The following STRN3 variants were observed in gnomAD, a reference collection of about 807,000 sequenced individuals.
STRN3 encodes striatin-3.
In STRN3, 29 loss-of-function variants were observed where a neutral mutation model predicts 95.6. That is an observed-to-expected ratio of 0.30 (90% confidence interval 0.23 to 0.41). The LOEUF (loss-of-function observed/expected upper bound fraction) is 0.41. STRN3 is among the 10% of genes least tolerant of loss of function. The pLI is 1.00. For missense variants in STRN3, 890 were observed against 972.1 expected, an observed-to-expected ratio of 0.92 and a Z score of 1.12; for synonymous variants, 331 against 357.6, an observed-to-expected ratio of 0.93 and a Z score of 0.84.
chr14:31,000,799 T>C (rs993987319), intron 1 of STRN3, among the ~76,000 whole-genome samples: 1 of 151,640 alleles, frequency 6.6e-6, no homozygotes, highest in African/African-American at 2.4e-5. Flanking sequence ...ATTTTATTTA[T>C]AGTGGCTGGC....
At chr14:30,935,449 C>T (rs764413175) in intron 6 of STRN3, 145 bp from the exon 7 acceptor site, 302 of 823,980 alleles carry the variant, frequency 3.7e-4, no homozygotes, top group Non-Finnish European at 5.1e-4. Context: ...TCACAAATCC[C>T]AAATTATACT....
chr14:30,991,374 C>A (rs1274554664), intron 1 of STRN3, among the ~76,000 whole-genome samples: 1 of 152,008 alleles, frequency 6.6e-6, no homozygotes, highest in Non-Finnish European at 1.5e-5. Context: ...ATACATAGGG[C>A]AATACAATCC....
intron 3 of STRN3, among the ~76,000 whole-genome samples, chr14:30,952,300 C>T (rs1439553322): frequency 1.3e-5 from 2 of 152,134 alleles, no homozygotes; most frequent in Admixed American, 1.3e-4. Context: ...AACCCTCATA[C>T]TGAATGTTGA....
chr14:30,942,667 T>C (rs1879150120), intron 5 of STRN3, among the ~76,000 whole-genome samples: 1 of 152,142 alleles, frequency 6.6e-6, no homozygotes, highest in African/African-American at 2.4e-5. Flanking sequence ...AATGAGTCCT[T>C]ATAAAGTAGA....
At chr14:30,972,938 C>T (rs759237037) in intron 1 of STRN3, among the ~76,000 whole-genome samples, 2 of 152,196 alleles carry the variant, frequency 1.3e-5, no homozygotes, top group Admixed American at 6.5e-5. Context: ...AGGCCGGGTG[C>T]GGGCTCACGC....
At chr14:30,981,526 AAG>A (rs750433847) in intron 1 of STRN3, among the ~76,000 whole-genome samples, 4 of 151,928 alleles carry the variant, frequency 2.6e-5, no homozygotes, top group Non-Finnish European at 5.9e-5. Flanking sequence ...CATATCACAC[AAG>A]AGTTTCAAAA....
At chr14:30,911,733 C>A (rs772641473) in intron 12 of STRN3, 44 bp downstream of exon 12, 2 of 1,523,718 alleles carry the variant, frequency 1.3e-6, no homozygotes, top group Non-Finnish European at 1.8e-6. Flanking sequence ...TAATATTTAA[C>A]AATAATGATG....
At chr14:30,911,216 C>CA (rs1896599158) in intron 12 of STRN3, 54 bp from the exon 13 acceptor site, 2 of 1,540,096 alleles carry the variant, frequency 1.3e-6, no homozygotes, top group Non-Finnish European at 1.8e-6. Context: ...AGAAGAAACT[C>CA]AAATCTCCAT....
chr14:30,971,737 CA>C (rs1210818726), intron 1 of STRN3, among the ~76,000 whole-genome samples: 2 of 152,122 alleles, frequency 1.3e-5, no homozygotes, highest in African/African-American at 4.8e-5. Flanking sequence ...GACAGCAACT[CA>C]GGGGTAAATG....
At chr14:31,002,719 G>A (rs1266444136) in intron 1 of STRN3, among the ~76,000 whole-genome samples, 1 of 151,998 alleles carries the variant, frequency 6.6e-6, no homozygotes, top group Non-Finnish European at 1.5e-5. Context: ...AATGCTAAGG[G>A]AAATAAGGCA....
intron 5 of STRN3, among the ~76,000 whole-genome samples, chr14:30,945,192 G>A (rs1297720105): frequency 1.3e-5 from 2 of 152,170 alleles, no homozygotes; most frequent in Non-Finnish European, 2.9e-5. Context: ...GGAGAAATCA[G>A]AATCCTTTTA....
At chr14:30,945,301 C>T (rs1202293152) in intron 5 of STRN3, among the ~76,000 whole-genome samples, 2 of 152,156 alleles carry the variant, frequency 1.3e-5, no homozygotes, top group Non-Finnish European at 2.9e-5. Flanking sequence ...AACCAACCCA[C>T]ATACCCATCA....
At chr14:30,946,822 A>G (rs1385675218) in intron 5 of STRN3, among the ~76,000 whole-genome samples, 1 of 152,034 alleles carries the variant, frequency 6.6e-6, no homozygotes, top group Non-Finnish European at 1.5e-5. Flanking sequence ...TACTAAAAAT[A>G]CAAAAAATTA....
chr14:31,007,481 G>A (rs1882771442), intron 1 of STRN3, among the ~76,000 whole-genome samples: 1 of 152,094 alleles, frequency 6.6e-6, no homozygotes, highest in Non-Finnish European at 1.5e-5. Flanking sequence ...ATGCAGAAAA[G>A]TAACCACAAT....
At chr14:30,929,542 T>C (rs974620295) in intron 7 of STRN3, among the ~76,000 whole-genome samples, 2 of 152,116 alleles carry the variant, frequency 1.3e-5, no homozygotes, top group Non-Finnish European at 2.9e-5. Flanking sequence ...TTCATTTTCA[T>C]GAACCACAAA....
At chr14:30,968,164 A>G (rs1273234049) in intron 1 of STRN3, among the ~76,000 whole-genome samples, 3 of 152,174 alleles carry the variant, frequency 2.0e-5, no homozygotes, top group African/African-American at 7.2e-5. Context: ...GTTTTCAACA[A>G]AAGCAAAGTT....
At chr14:30,935,099 T>A in intron 7 of STRN3, 64 bp downstream of exon 7, 1 of 1,574,972 alleles carries the variant, frequency 6.3e-7, no homozygotes, top group Non-Finnish European at 8.6e-7. Flanking sequence ...ACATATAATA[T>A]TTAATAATAA....
intron 1 of STRN3, among the ~76,000 whole-genome samples, chr14:30,990,473 G>C (rs1055327332): frequency 2.6e-5 from 4 of 152,030 alleles, no homozygotes; most frequent in African/African-American, 4.8e-5. Flanking sequence ...CGGCCAAAGG[G>C]CACTATGACT....
At position 30,913,386 on chromosome 14, in the gene STRN3, T is replaced by G. The variant is rs1285501229; in HGVS notation, c.1374+138A>C. 3.0e-6 allele frequency: 3 copies of G among 989,230 alleles called. No homozygotes were observed. The East Asian group carries it at 8.1e-5, about 27-fold the overall frequency. The allele number at this position is 989,230 out of a possible 1,614,324, so 61.3% of individuals were successfully genotyped here. The stretch of plus-strand genomic sequence containing the variant: ...AGAGAGTAGTTATAAAAGAAAAACA[T>G]GTCACTTCAAATCAACACATTGACA... On this transcript the variant is annotated intron_variant, in intron 10 of 17. Transcript: ENST00000357479.
Sources: gnomAD v4.1 joint callset for allele counts (sites outside exome capture counted in the v4.1 genomes callset) on GRCh38, gnomAD v4.1.1 for gene constraint, MANE v1.5 for transcripts, NCBI Gene and HGNC (gene_info 2026-07-23, HGNC 2026-07-21) for gene names.